The following NAV1 variants were observed in gnomAD, a reference collection of about 807,000 sequenced individuals.
NAV1 encodes pore membrane and/or filament interacting like protein 3.
NAV1 carries 18 observed loss-of-function variants against 175.2 expected under a neutral mutation model. That is an observed-to-expected ratio of 0.10 (90% CI 0.07 to 0.15). The LOEUF (loss-of-function observed/expected upper bound fraction) is 0.15. NAV1 is among the 10% of genes least tolerant of loss of function. The pLI, the probability that NAV1 is intolerant of heterozygous loss-of-function variation, is 1.00. For missense variants in NAV1, 1,731 were observed against 2,436.6 expected, an observed-to-expected ratio of 0.71 and a Z score of 6.10; for synonymous variants, 897 against 978.7, an observed-to-expected ratio of 0.92 and a Z score of 1.56.
intron 3 of NAV1, among the ~76,000 whole-genome samples, chr1:201,770,668 C>A (rs1675516696): frequency 6.6e-6 from 1 of 152,138 alleles, no homozygotes; most frequent in South Asian, 2.1e-4. Context: ...GGAGCAAACC[C>A]ACCATAGATG....
chr1:201,677,267 A>G (rs919230387), intron 1 of NAV1, among the ~76,000 whole-genome samples: 3 of 151,284 alleles, frequency 2.0e-5, no homozygotes. Context: ...AAAAAAAAAA[A>G]AAGAATTGCT....
At chr1:201,580,220 T>C (rs1369823089) in intron 1 of NAV1, among the ~76,000 whole-genome samples, 1 of 152,156 alleles carries the variant, frequency 6.6e-6, no homozygotes, top group Non-Finnish European at 1.5e-5. Context: ...CCTTACTCAG[T>C]CCACTGACTC....
At chr1:201,728,646 A>G (rs1278372910) in intron 3 of NAV1, among the ~76,000 whole-genome samples, 1 of 152,012 alleles carries the variant, frequency 6.6e-6, no homozygotes, top group Admixed American at 6.5e-5. Flanking sequence ...ACATCTGTAG[A>G]GACAGAGTCT....
chr1:201,747,233 C>T (rs927332096), intron 3 of NAV1, among the ~76,000 whole-genome samples: 3 of 152,140 alleles, frequency 2.0e-5, no homozygotes, highest in African/African-American at 7.2e-5. Flanking sequence ...TGCCCTAGTG[C>T]ATGCACACAC....
intron 6 of NAV1, 42 bp from the exon 11 acceptor site, chr1:201,783,362 CTG>C (rs1292764751): frequency 6.3e-7 from 1 of 1,577,250 alleles, no homozygotes; most frequent in African/African-American, 1.3e-5. Flanking sequence ...GCCTCTCACT[CTG>C]TAATTCTATT....
chr1:201,641,277 A>G (rs949349599), intron 2 of NAV1, among the ~76,000 whole-genome samples: 11 of 152,142 alleles, frequency 7.2e-5, no homozygotes, highest in African/African-American at 2.7e-4. Context: ...CACTACCACC[A>G]CAGTCACCGC....
At chr1:201,635,035 T>TTGTTTTG (rs1668578246) in intron 2 of NAV1, among the ~76,000 whole-genome samples, 1 of 151,982 alleles carries the variant, frequency 6.6e-6, no homozygotes, top group African/African-American at 2.4e-5. Flanking sequence ...TTGTTTTGTT[T>TTGTTTTG]TGTTTTGTTT....
In NAV1 at chr1:201,740,083, G is replaced by C; in HGVS notation, c.1226+21328G>C. 6.9e-7 allele frequency: 1 copy of C among 1,454,036 alleles called. No homozygotes were observed. Among genetic ancestry groups the C allele is most frequent in the Non-Finnish European group, 9.1e-7 (1 of 1,101,466 alleles). 90.1% of individuals were successfully genotyped at this position (1,454,036 alleles called of 1,614,324 possible). ...CGGTGAATTTCCCCCGCAGGTAAGC[G>C]CCCCCACCCCCCTGGCCTCACCGCC... On this transcript the variant is annotated intron_variant, in intron 3 of 29. Transcript: ENST00000367296. The surrounding 1 kb of genome is among the most constrained non-coding windows in gnomAD (Gnocchi z 4.7).
intron 2 of NAV1, among the ~76,000 whole-genome samples, chr1:201,717,913 T>A (rs964321813): frequency 3.3e-5 from 5 of 152,252 alleles, no homozygotes; most frequent in Non-Finnish European, 5.9e-5. Context: ...TAAGCTCAAG[T>A]GACCAGTCTC....
At chr1:201,663,027 C>T (rs1267552695) in intron 1 of NAV1, among the ~76,000 whole-genome samples, 1 of 139,554 alleles carries the variant, frequency 7.2e-6, no homozygotes, top group Non-Finnish European at 1.6e-5. Flanking sequence ...ACATCTGATT[C>T]TTCTCCTCTT....
Position 201,810,804 on chromosome 1 carries a change from C to G in NAV1, c.4797+46C>G. On this transcript the variant is annotated intron_variant, in intron 24 of 29. Transcript: ENST00000367296. This position sits in a 1 kb window ranked among gnomAD's most constrained non-coding sequence, Gnocchi z 6.0. ...CTGCCAGCCTTTGTTCATGCCTCAG[C>G]CTTCCCTAAGACCCTTCCTCGGCCC... is the stretch of plus-strand genomic sequence containing the variant. 6.7e-7 allele frequency: 1 copy of G among 1,493,000 alleles called. No individual in the cohort carries two copies. The highest frequency in any genetic ancestry group is 9.3e-7 in the Non-Finnish European group (1 of 1,077,890). The allele number at this position is 1,493,000 out of a possible 1,614,324, so 92.5% of individuals were successfully genotyped here.
At chr1:201,708,910 G>A (rs982229746) in intron 1 of NAV1, among the ~76,000 whole-genome samples, 1 of 152,180 alleles carries the variant, frequency 6.6e-6, no homozygotes, top group Non-Finnish European at 1.5e-5. Flanking sequence ...GCACTTTGGG[G>A]GGCTGAGTCA....
At chr1:201,670,609 T>G (rs1670005652) in intron 1 of NAV1, among the ~76,000 whole-genome samples, 3 of 150,664 alleles carry the variant, frequency 2.0e-5, no homozygotes, top group East Asian at 3.9e-4. Flanking sequence ...TGATTTTTTG[T>G]TGATGATGGC....
intron 1 of NAV1, among the ~76,000 whole-genome samples, chr1:201,560,061 G>C (rs1200998924): frequency 6.6e-6 from 1 of 152,182 alleles, no homozygotes; most frequent in Non-Finnish European, 1.5e-5. Context: ...CAGAGGATGG[G>C]AAGAGCAGAA....
intron 1 of NAV1, among the ~76,000 whole-genome samples, chr1:201,700,794 G>A (rs1339800093): frequency 2.0e-5 from 3 of 151,896 alleles, no homozygotes; most frequent in South Asian, 2.1e-4. Context: ...GGTGGATCAC[G>A]AGGTCAGGAG....
At chr1:201,557,565 A>G (rs1279032547) in intron 1 of NAV1, among the ~76,000 whole-genome samples, 2 of 152,102 alleles carry the variant, frequency 1.3e-5, no homozygotes, top group Admixed American at 6.6e-5. Context: ...ACACTTAACT[A>G]CCACCTCCAA....
intron 17 of NAV1, 50 bp downstream of exon 21, chr1:201,804,547 C>G (rs1678154968): frequency 1.4e-6 from 2 of 1,382,216 alleles, no homozygotes; most frequent in South Asian, 2.7e-5. Flanking sequence ...CTTTGCCATA[C>G]CTTCCCTATT....
At chr1:201,817,953 C>T (rs1471121826) in intron 29 of NAV1, among the ~76,000 whole-genome samples, 1 of 152,036 alleles carries the variant, frequency 6.6e-6, no homozygotes, top group Admixed American at 6.6e-5. Context: ...AACAGCTGGG[C>T]ACAGTGGCTC....
intron 2 of NAV1, among the ~76,000 whole-genome samples, chr1:201,715,979 AGTCTAGAGAT>A (rs1426813832): frequency 2.6e-5 from 4 of 152,164 alleles, no homozygotes; most frequent in Admixed American, 2.0e-4. Flanking sequence ...ACCAAGCTTA[AGTCTAGAGAT>A]GTCTAGAGAT....
Sources: gnomAD v4.1 joint callset for allele counts (sites outside exome capture counted in the v4.1 genomes callset) on GRCh38, gnomAD v4.1.1 for gene constraint, Gnocchi (gnomAD v3.1) non-coding constraint, MANE v1.5 for transcripts, NCBI Gene and HGNC (gene_info 2026-07-23, HGNC 2026-07-21) for gene names.